SYTL5: variants seen among roughly 807,000 people sequenced by gnomAD.
SYTL5 encodes synaptotagmin like 5, also known as synaptotagmin-like protein 5.
Under a neutral mutation model 55.9 loss-of-function variants are expected in SYTL5, and 34 were observed. The observed-to-expected ratio is 0.61, with a 90% confidence interval of 0.46 to 0.81. SYTL5 has a LOEUF of 0.81. SYTL5 is among the 30% of genes least tolerant of loss of function. The probability of loss-of-function intolerance (pLI) is 0.00; values close to 1 mark genes in which losing one functional copy is unlikely to be tolerated. For missense variants in SYTL5, 637 were observed against 546.7 expected, an observed-to-expected ratio of 1.17 and a Z score of -1.65; for synonymous variants, 221 against 188.7, an observed-to-expected ratio of 1.17 and a Z score of -1.40.
At chrX:38,071,298 AG>A (rs2147396115) in intron 3 of SYTL5, among the ~76,000 whole-genome samples, 1 of 111,708 alleles carries the variant, frequency 9.0e-6, no homozygotes, top group East Asian at 2.8e-4. Context: ...TAGCCATTGC[AG>A]GTAGGGTTTA....
chrX:37,973,811 A>T, the SYTL5 span, among the ~76,000 whole-genome samples: 2 of 109,479 alleles, frequency 1.8e-5, no homozygotes, highest in African/African-American at 6.7e-5. Flanking sequence ...TTTTTTTTTA[A>T]AAAATATTTG....
At chrX:38,000,870 A>T in the SYTL5 span, among the ~76,000 whole-genome samples, 1 of 111,031 alleles carries the variant, frequency 9.0e-6, no homozygotes, top group Non-Finnish European at 1.9e-5. Flanking sequence ...GCCCCAACCG[A>T]ACTCCGCATT....
intron 7 of SYTL5, among the ~76,000 whole-genome samples, chrX:38,091,029 A>G (rs988239406): frequency 3.6e-5 from 4 of 112,275 alleles, no homozygotes; most frequent in Non-Finnish European, 7.5e-5. Flanking sequence ...TGCAGTCAGC[A>G]TTCACTCTGA....
At chrX:38,027,716 G>A (rs1340864100) in intron 1 of SYTL5, among the ~76,000 whole-genome samples, 2 of 111,419 alleles carry the variant, frequency 1.8e-5, no homozygotes, top group African/African-American at 6.5e-5. Context: ...TTTTAAATTG[G>A]CTTTGATGGA....
At chrX:37,910,967 C>CTTTTTTTTTTTTTTT in the SYTL5 span, among the ~76,000 whole-genome samples, 4 of 82,756 alleles carry the variant, frequency 4.8e-5, no homozygotes, top group African/African-American at 5.5e-5. Context: ...GATAGCATTA[C>CTTTTTTTTTTTTTTT]TTTTTTTTTT....
the SYTL5 span, among the ~76,000 whole-genome samples, chrX:37,978,484 T>A: frequency 2.7e-5 from 3 of 112,361 alleles, no homozygotes; most frequent in African/African-American, 9.7e-5. Flanking sequence ...GATCAACTTA[T>A]GTGATCACAT....
chrX:37,897,340 G>A, the SYTL5 span, among the ~76,000 whole-genome samples: 8 of 109,943 alleles, frequency 7.3e-5, no homozygotes, highest in Non-Finnish European at 1.5e-4. Context: ...AAAATTATCC[G>A]GGCGTGGTGT....
At chrX:38,005,311 TA>T (rs1416445441), upstream of SYTL5, among the ~76,000 whole-genome samples, 1 of 111,314 alleles carries the variant, frequency 9.0e-6, no homozygotes, top group Non-Finnish European at 1.9e-5. Flanking sequence ...CAATATGCAA[TA>T]AAAAAATTCA....
intron 6 of SYTL5, among the ~76,000 whole-genome samples, chrX:38,086,691 A>G (rs1936667871): frequency 2.7e-5 from 3 of 112,233 alleles, no homozygotes; most frequent in South Asian, 7.4e-4. Context: ...TTGACTTGAC[A>G]TAGCTTTTAT....
At chrX:37,897,660 G>T in the SYTL5 span, among the ~76,000 whole-genome samples, 1 of 111,471 alleles carries the variant, frequency 9.0e-6, no homozygotes, top group African/African-American at 3.3e-5. Context: ...GAGACTGGGA[G>T]ATGTTGGAGC....
chrX:38,115,210 C>T (rs868813189), intron 13 of SYTL5, among the ~76,000 whole-genome samples: 13 of 104,935 alleles, frequency 1.2e-4, no homozygotes, highest in African/African-American at 3.4e-4. Flanking sequence ...TCAGGCCGGG[C>T]GCGGTGGCTC....
chrX:37,923,409 T>C, the SYTL5 span, among the ~76,000 whole-genome samples: 1 of 111,457 alleles, frequency 9.0e-6, no homozygotes, highest in Admixed American at 9.6e-5. Flanking sequence ...TACTGTTTCA[T>C]TTATTACTCT....
the SYTL5 span, among the ~76,000 whole-genome samples, chrX:37,985,795 C>G: frequency 9.0e-6 from 1 of 111,243 alleles, no homozygotes; most frequent in African/African-American, 3.3e-5. Flanking sequence ...CAACAGTAAT[C>G]AAGACATTGG....
At chrX:38,125,159 G>A (rs1937615134) in intron 15 of SYTL5, 139 bp from the exon 16 acceptor site, 5 of 494,169 alleles carry the variant, frequency 1.0e-5, no homozygotes, top group Non-Finnish European at 1.6e-5. Context: ...GAAATAATAA[G>A]TCAGTTCACT....
chrX:38,011,993 G>C (rs958731445), intron 1 of SYTL5, among the ~76,000 whole-genome samples: 3 of 110,851 alleles, frequency 2.7e-5, no homozygotes, highest in Admixed American at 1.9e-4. Flanking sequence ...TACCTTCACC[G>C]AACACTTAAT....
chrX:37,908,164 G>A, the SYTL5 span, among the ~76,000 whole-genome samples: 1 of 109,883 alleles, frequency 9.1e-6, no homozygotes, highest in Non-Finnish European at 1.9e-5. Flanking sequence ...CTGACAGTAG[G>A]TAATAACTGG....
At chrX:38,006,341 T>G (rs1270888519), upstream of SYTL5, among the ~76,000 whole-genome samples, 1 of 111,572 alleles carries the variant, frequency 9.0e-6, no homozygotes, top group Non-Finnish European at 1.9e-5. Context: ...AACACTGGTG[T>G]AAAAAATACC....
intron 5 of SYTL5, among the ~76,000 whole-genome samples, chrX:38,074,311 G>T: frequency 8.9e-6 from 1 of 112,090 alleles, no homozygotes; most frequent in Middle Eastern, 4.6e-3. Flanking sequence ...AGGACCAAAA[G>T]GAAACTGCAT....
chrX:37,962,248 G>A, the SYTL5 span, among the ~76,000 whole-genome samples: 31 of 109,667 alleles, frequency 2.8e-4, no homozygotes, highest in African/African-American at 9.3e-4. Context: ...GACAGGCCCC[G>A]GTGTGTGATG....
Sources: allele counts gnomAD v4.1 joint callset (sites outside exome capture counted in the v4.1 genomes callset), GRCh38; gene constraint gnomAD v4.1.1; transcripts MANE v1.5; gene names NCBI Gene and HGNC (gene_info 2026-07-23, HGNC 2026-07-21).